RBFOX1: variants seen among roughly 807,000 people sequenced by gnomAD.
RBFOX1 encodes RNA binding fox-1 homolog 1, also known as RNA binding protein fox-1 homolog 1.
A neutral mutation model predicts 57.7 loss-of-function variants in RBFOX1; 8 were observed. The observed-to-expected ratio is 0.14, with a 90% CI of 0.08 to 0.25. The LOEUF (loss-of-function observed/expected upper bound fraction) is 0.25. Among genes scored for constraint, RBFOX1 ranks in the 10% least tolerant of loss-of-function variants. RBFOX1 has a pLI of 1.00. For missense variants in RBFOX1, 611 were observed against 548.5 expected (o/e 1.11, Z -1.14); for synonymous variants, 326 against 222.4 (o/e 1.47, Z -4.15).
intron 3 of RBFOX1, among the ~76,000 whole-genome samples, chr16:6,858,261 T>A (rs1166223199): frequency 1.3e-5 from 2 of 152,232 alleles, no homozygotes; most frequent in African/African-American, 2.4e-5. Context: ...GAACTACACT[T>A]TGTAGGGAAT....
intron 3 of RBFOX1, among the ~76,000 whole-genome samples, chr16:5,772,091 G>A (rs1285072673): frequency 6.6e-6 from 1 of 152,142 alleles, no homozygotes; most frequent in Admixed American, 6.5e-5. Context: ...AGAATCACTT[G>A]AACCTGGGAG....
chr16:7,517,260 T>C (rs1390944344), intron 4 of RBFOX1, among the ~76,000 whole-genome samples: 1 of 151,452 alleles, frequency 6.6e-6, no homozygotes, highest in South Asian at 2.1e-4. Flanking sequence ...TGTATTCAGG[T>C]TTTTGTTGTG....
At chr16:7,454,035 C>A (rs1190083894) in intron 4 of RBFOX1, among the ~76,000 whole-genome samples, 2 of 152,160 alleles carry the variant, frequency 1.3e-5, no homozygotes, top group East Asian at 1.9e-4. Context: ...GAGTTCCAGA[C>A]CAGCCTCACC....
intron 4 of RBFOX1, among the ~76,000 whole-genome samples, chr16:7,257,325 C>A (rs753538167): frequency 2.6e-5 from 4 of 152,160 alleles, no homozygotes; most frequent in African/African-American, 9.7e-5. Flanking sequence ...TTTCCCACCA[C>A]CCAAAGGTCA....
At chr16:7,101,840 G>A (rs917812012) in intron 4 of RBFOX1, among the ~76,000 whole-genome samples, 1 of 152,094 alleles carries the variant, frequency 6.6e-6, no homozygotes, top group Admixed American at 6.5e-5. Context: ...CAAGGCTCTT[G>A]TCTTTGTCTG....
intron 3 of RBFOX1, among the ~76,000 whole-genome samples, chr16:5,813,035 A>C (rs1299749291): frequency 7.3e-6 from 1 of 137,052 alleles, no homozygotes; most frequent in Admixed American, 7.5e-5. Flanking sequence ...TGAGATGGAG[A>C]CTTGCTCTGT....
intron 4 of RBFOX1, among the ~76,000 whole-genome samples, chr16:7,111,229 A>G (rs2064702164): frequency 6.6e-6 from 1 of 152,192 alleles, no homozygotes; most frequent in African/African-American, 2.4e-5. Flanking sequence ...CCTTTGTCAA[A>G]CTGAAGTATT....
intron 4 of RBFOX1, among the ~76,000 whole-genome samples, chr16:7,237,208 C>G (rs1206168691): frequency 1.3e-5 from 2 of 152,170 alleles, no homozygotes; most frequent in Non-Finnish European, 2.9e-5. Flanking sequence ...TGCCTGGCAT[C>G]TGGGTTCTTG....
chr16:6,335,413 T>A (rs1478161159), intron 2 of RBFOX1, among the ~76,000 whole-genome samples: 1 of 152,188 alleles, frequency 6.6e-6, no homozygotes, highest in African/African-American at 2.4e-5. Flanking sequence ...AATGTGCTAT[T>A]GGTAAATATA....
chr16:7,371,836 C>G (rs1026875058), intron 4 of RBFOX1, among the ~76,000 whole-genome samples: 14 of 152,144 alleles, frequency 9.2e-5, no homozygotes, highest in Admixed American at 2.6e-4. Flanking sequence ...CAAAAAAAGC[C>G]ACATCAGTCT....
At chr16:5,721,153 G>A (rs2051917224) in intron 3 of RBFOX1, among the ~76,000 whole-genome samples, 1 of 152,060 alleles carries the variant, frequency 6.6e-6, no homozygotes, top group South Asian at 2.1e-4. Flanking sequence ...CCTGTTTTAT[G>A]TTTATCCCCA....
chr16:6,031,327 G>A (rs994222851), intron 1 of RBFOX1, among the ~76,000 whole-genome samples: 6 of 152,182 alleles, frequency 3.9e-5, no homozygotes, highest in African/African-American at 1.4e-4. Flanking sequence ...GGGGTGGTGA[G>A]AGCAAGGGAA....
intron 3 of RBFOX1, among the ~76,000 whole-genome samples, chr16:6,956,201 C>G (rs150630800): frequency 6.6e-6 from 1 of 152,018 alleles, no homozygotes; most frequent in African/African-American, 2.4e-5. Context: ...GATGGGAGTA[C>G]CACACAGGAG....
chr16:7,667,829 A>G (rs2069902385), intron 13 of RBFOX1, among the ~76,000 whole-genome samples: 1 of 151,948 alleles, frequency 6.6e-6, no homozygotes, highest in Non-Finnish European at 1.5e-5. Flanking sequence ...GCCTACCACC[A>G]CCCCTGGCTA....
At chr16:7,500,776 T>A (rs1274463605) in intron 4 of RBFOX1, among the ~76,000 whole-genome samples, 1 of 152,194 alleles carries the variant, frequency 6.6e-6, no homozygotes, top group Non-Finnish European at 1.5e-5. Context: ...ACCTATCCCA[T>A]GATATGGTTT....
intron 1 of RBFOX1, among the ~76,000 whole-genome samples, chr16:5,258,975 G>A (rs898619905): frequency 1.3e-5 from 2 of 151,852 alleles, no homozygotes; most frequent in Non-Finnish European, 2.9e-5. Flanking sequence ...TTTCCCATCT[G>A]GCCCCTGCTC....
chr16:6,878,339 G>A lies in RBFOX1; in HGVS notation c.-15-173718G>A, dbSNP rs573649254. Reference sequence around the variant, plus strand: ...GTGACAGGTGCTGGAACATTTTATTGCTGATGCAAGAGTTTCTAGAAATTT... The same window carrying A: ...GTGACAGGTGCTGGAACATTTTATTACTGATGCAAGAGTTTCTAGAAATTT... On this transcript the variant is annotated intron_variant, in intron 3 of 15. Transcript: ENST00000550418. Among the ~76,000 whole-genome samples, 4 of 152,128 alleles carry A rather than the reference G, an allele frequency of 2.6e-5. No individual in the cohort carries two copies. In the East Asian group the frequency reaches 5.8e-4, roughly 22 times the overall value.
Position 6,500,651 on chromosome 16 carries a change from A to G in RBFOX1, c.-63-153952A>G, listed in dbSNP as rs1300992091. ...ATTGAAGTACATGGACTGTAACTAC[A>G]GAGGCTTAAGAATGGCAAGAAGAGG... is the stretch of plus-strand genomic sequence containing the variant. On this transcript the variant is annotated intron_variant, in intron 2 of 15. Transcript: ENST00000550418. Among the ~76,000 whole-genome samples the G allele has an allele frequency of 2.6e-5, 4 of 152,160 alleles. No individual in the cohort carries two copies. The East Asian group carries it at 5.8e-4, about 22-fold the overall frequency.
At chr16:5,618,960 G>A (rs1314397528) in intron 3 of RBFOX1, among the ~76,000 whole-genome samples, 1 of 152,134 alleles carries the variant, frequency 6.6e-6, no homozygotes, top group African/African-American at 2.4e-5. Flanking sequence ...GATGGGTGCC[G>A]GCTCCTCCCA....
Sources: gnomAD v4.1 joint callset for allele counts (sites outside exome capture counted in the v4.1 genomes callset) on GRCh38, gnomAD v4.1.1 for gene constraint, MANE v1.5 for transcripts, NCBI Gene and HGNC (gene_info 2026-07-23, HGNC 2026-07-21) for gene names.